Variants in PATJ observed in about 807,000 individuals in gnomAD.
PATJ encodes PATJ crumbs cell polarity complex component.
Under a neutral mutation model 224.9 loss-of-function variants are expected in PATJ, and 190 were observed. The ratio of observed to expected loss-of-function variants is 0.84; its 90% CI spans 0.75 to 0.95. The LOEUF is 0.95. Among genes scored for constraint, PATJ ranks in the 40% least tolerant of loss-of-function variants. The pLI is 0.00. For missense variants in PATJ, 2,121 were observed against 2,270.3 expected (o/e 0.93, Z 1.34); for synonymous variants, 769 against 820.3 (o/e 0.94, Z 1.07).
chr1:61,878,869 C>T (rs1016299780), intron 21 of PATJ, among the ~76,000 whole-genome samples: 1 of 151,936 alleles, frequency 6.6e-6, no homozygotes, highest in Non-Finnish European at 1.5e-5. Context: ...CTACAACTTC[C>T]TCCTCCCAGG....
chr1:61,931,575 G>A (rs2149304948), intron 27 of PATJ, among the ~76,000 whole-genome samples: 1 of 152,232 alleles, frequency 6.6e-6, no homozygotes, highest in Admixed American at 6.5e-5. Context: ...ACCAGCCTGG[G>A]CAACATGGCA....
intron 27 of PATJ, among the ~76,000 whole-genome samples, chr1:61,941,589 T>C (rs964114879): frequency 6.6e-6 from 1 of 152,122 alleles, no homozygotes; most frequent in African/African-American, 2.4e-5. Context: ...AGGTGGAAGT[T>C]GCAGTGAGCA....
rs766249037 is a variant in PATJ, at chr1:61,901,380, G to T, written c.3302G>T (p.Gly1101Val). ...KRLKNGEELK[G>V]IFIKQVLEDS... is the part of the protein sequence containing the mutation. Reference sequence around the variant, plus strand: ...CTAAAGAATGGAGAGGAGCTTAAAGGTATATTCATCAAACAAGTTTTAGAA... The same window carrying T: ...CTAAAGAATGGAGAGGAGCTTAAAGTTATATTCATCAAACAAGTTTTAGAA... The change falls in exon 24 of 44, where the codon GGT becomes GTT. Residue 1101 changes from glycine (G) to valine (V), a missense_variant. Coordinates refer to ENST00000642238, the MANE Select transcript of PATJ (RefSeq NM_001350145.3). 38 of 1,587,276 alleles carry T rather than the reference G, an allele frequency of 2.4e-5. No individual in the cohort carries two copies. The Admixed American group carries it at 7.1e-4, about 30-fold the overall frequency.
At chr1:61,914,371 G>A (rs1217922875) in intron 25 of PATJ, among the ~76,000 whole-genome samples, 3 of 152,108 alleles carry the variant, frequency 2.0e-5, no homozygotes, top group African/African-American at 2.4e-5. Context: ...CTGGAGAAGC[G>A]CTTGAACCCA....
chr1:62,008,244 T>C (rs926224359), intron 28 of PATJ, among the ~76,000 whole-genome samples: 1 of 152,124 alleles, frequency 6.6e-6, no homozygotes, highest in African/African-American at 2.4e-5. Context: ...CTGCCCACCA[T>C]AAAGGATGGT....
intron 33 of PATJ, among the ~76,000 whole-genome samples, chr1:62,099,321 T>A (rs903317139): frequency 2.0e-5 from 3 of 149,214 alleles, no homozygotes; most frequent in Non-Finnish European, 4.5e-5. Flanking sequence ...AACATATGAC[T>A]ATTTTTTTGT....
In PATJ at chr1:62,094,558, A is replaced by AACACACACACAC. The variant is rs58104906; in HGVS notation, c.4377+9950_4377+9961dup. ...CTGAACCTAACCTAGATTCTGTCTC[A>AACACACACACAC]ACACACACACACACACACACACACA... On this transcript the variant is annotated intron_variant, in intron 33 of 43. Transcript: ENST00000642238. 1.4e-3 allele frequency among the ~76,000 whole-genome samples: 183 copies of AACACACACACAC among 132,528 alleles called. 2 individuals are homozygous for AACACACACACAC. Among genetic ancestry groups the AACACACACACAC allele is most frequent in the African/African-American group, 5.0e-3 (174 of 35,110 alleles). 86.9% of individuals were successfully genotyped at this position (132,528 alleles called of 152,430 possible).
intron 25 of PATJ, among the ~76,000 whole-genome samples, chr1:61,912,196 A>G (rs983944912): frequency 6.6e-6 from 1 of 152,078 alleles, no homozygotes; most frequent in Admixed American, 6.6e-5. Flanking sequence ...TACTTTCACG[A>G]GAAATACAGT....
At chr1:62,098,369 A>G (rs1415219666) in intron 33 of PATJ, among the ~76,000 whole-genome samples, 1 of 148,774 alleles carries the variant, frequency 6.7e-6, no homozygotes, top group African/African-American at 2.5e-5. Flanking sequence ...AAAAAAAAAA[A>G]GAAAAAAGAA....
intron 31 of PATJ, among the ~76,000 whole-genome samples, chr1:62,056,642 G>A (rs1031778744): frequency 3.3e-5 from 5 of 152,194 alleles, no homozygotes; most frequent in South Asian, 2.1e-4. Context: ...TTGGCTGGGC[G>A]TGGTGTTGGA....
In PATJ at chr1:62,141,555, A is replaced by G. The variant is rs996394049; in HGVS notation, c.5272-6729A>G. Among the ~76,000 whole-genome samples, 29 of 152,174 alleles carry G rather than the reference A, an allele frequency of 1.9e-4. No individual in the cohort carries two copies. In the Middle Eastern group the frequency reaches 0.014, roughly 71 times the overall value. On this transcript the variant is annotated intron_variant, in intron 41 of 43. Transcript: ENST00000642238. ...CCAGGCATGGTGGCATGCACCCGTA[A>G]TCCCAGCTACTCGGGAGGCTGAGGC...
rs146922403 is a variant in PATJ at position 61,879,694 on chromosome 1, T to C, written c.2959+4328T>C. On this transcript the variant is annotated intron_variant, in intron 21 of 43. Transcript: ENST00000642238. ...TGCTAAGCAACAGTGCTTTTTGTAG[T>C]GGCAAATCAAAATATTGGTAAAATT... Among the ~76,000 whole-genome samples, 174 of 152,104 alleles carry C rather than the reference T, an allele frequency of 1.1e-3. 2 individuals carry two copies. In the East Asian group the frequency reaches 0.02, roughly 17 times the overall value.
chr1:62,008,715 C>T (rs1646249108), intron 28 of PATJ, among the ~76,000 whole-genome samples: 1 of 152,074 alleles, frequency 6.6e-6, no homozygotes, highest in South Asian at 2.1e-4. Context: ...CACCATTGCA[C>T]TCCAGCCTGG....
chr1:62,155,443 G>C (rs1669086620), intron 43 of PATJ, among the ~76,000 whole-genome samples: 1 of 152,132 alleles, frequency 6.6e-6, no homozygotes. Flanking sequence ...ACAGCTAAGA[G>C]TAAAATGGCT....
In PATJ at chr1:61,768,494, A is replaced by AATAAATAAATAAATAG. The variant is rs1180226104; in HGVS notation, c.385-786_385-785insAATAAATAAATAGATA. 2.3e-4 allele frequency among the ~76,000 whole-genome samples: 35 copies of AATAAATAAATAAATAG among 152,006 alleles called. No individual in the cohort carries two copies. The East Asian group carries it at 4.7e-3, about 20-fold the overall frequency. On this transcript the variant is annotated intron_variant, in intron 4 of 43. Transcript: ENST00000642238. ...CAAAAAATAAATAAATAAATAAATA[A>AATAAATAAATAAATAG]ATAGATATCAATTAATCAACAATAG... is the stretch of plus-strand genomic sequence containing the variant.
chr1:61,974,326 GTAAAT>G (rs1226675842), intron 27 of PATJ, among the ~76,000 whole-genome samples: 1 of 146,630 alleles, frequency 6.8e-6, no homozygotes, highest in Non-Finnish European at 1.5e-5. Context: ...CTTTGTCATT[GTAAAT>G]TGATCATTTG....
intron 34 of PATJ, among the ~76,000 whole-genome samples, chr1:62,110,769 G>A (rs1001418426): frequency 6.6e-6 from 1 of 152,172 alleles, no homozygotes. Context: ...CAAGAACTGT[G>A]TTCACCCACT....
At position 61,762,918 on chromosome 1, in the gene PATJ, T is replaced by A. The variant is rs1404647361; in HGVS notation, c.22+4T>A. ...ATGCCTGAAAATCCTGCTACAGGTATACTGGATATATTGTTCTATAATTAA... is the reference window on the plus strand; with the variant it reads ...ATGCCTGAAAATCCTGCTACAGGTAAACTGGATATATTGTTCTATAATTAA... On this transcript the variant is annotated splice_donor_region_variant and intron_variant, in intron 2 of 43. Coordinates refer to ENST00000642238, the MANE Select transcript of PATJ (RefSeq NM_001350145.3). The A allele has an allele frequency of 6.5e-7, 1 of 1,542,014 alleles. No individual in the cohort carries two copies. The highest frequency in any genetic ancestry group is 8.9e-7 in the Non-Finnish European group (1 of 1,126,530).
chr1:61,780,449 A>G (rs1647186146), intron 7 of PATJ, among the ~76,000 whole-genome samples: 1 of 152,238 alleles, frequency 6.6e-6, no homozygotes, highest in Non-Finnish European at 1.5e-5. Context: ...TGGGCGACAG[A>G]GCAAGACTCT....
Sources: allele counts gnomAD v4.1 joint callset (sites outside exome capture counted in the v4.1 genomes callset), GRCh38; gene constraint gnomAD v4.1.1; transcripts MANE v1.5; gene names NCBI Gene and HGNC (gene_info 2026-07-23, HGNC 2026-07-21).